ANK1: variants seen among roughly 807,000 people sequenced by gnomAD.
ANK1 encodes ankyrin 1.
ANK1 carries 51 observed loss-of-function variants against 210.4 expected under a neutral mutation model. The ratio of observed to expected loss-of-function variants is 0.24; its 90% CI spans 0.19 to 0.31. The LOEUF is 0.31. Ranked by LOEUF, ANK1 falls within the 10% of genes least tolerant of loss-of-function variation. The probability of loss-of-function intolerance (pLI) is 1.00; values close to 1 mark genes in which losing one functional copy is unlikely to be tolerated. For synonymous variants in ANK1, 967 were observed against 1,025.9 expected (o/e 0.94, Z 1.10); for missense variants, 2,051 against 2,504.4 (o/e 0.82, Z 3.86).
chr8:41,761,760 C>T (rs1042447333), intron 1 of ANK1, among the ~76,000 whole-genome samples: 1 of 152,144 alleles, frequency 6.6e-6, no homozygotes, highest in Non-Finnish European at 1.5e-5. Context: ...CACAAAGCAG[C>T]GCTTCACGTC....
Position 41,724,440 on chromosome 8 carries a change from C to T in ANK1, c.711+16G>A, listed in dbSNP as rs752573218. ...CAAGCCCCCGGACAGTGAGGGCGCA[C>T]GTGCCCCAGGGTTACCTGTGGTGTG... On this transcript the variant is annotated intron_variant, in intron 7 of 42. Transcript: ENST00000289734. 8.4e-6 allele frequency: 13 copies of T among 1,554,264 alleles called. No individual in the cohort carries two copies. The highest frequency in any genetic ancestry group is 8.2e-5 in the African/African-American group (6 of 73,364).
At chr8:41,761,670 G>A (rs1256113258) in intron 1 of ANK1, among the ~76,000 whole-genome samples, 2 of 152,206 alleles carry the variant, frequency 1.3e-5, no homozygotes, top group Non-Finnish European at 2.9e-5. Context: ...ACACACTAGT[G>A]ATGACCACCC....
chr8:41,801,843 G>C (rs544514707), upstream of ANK1, among the ~76,000 whole-genome samples: 1 of 152,070 alleles, frequency 6.6e-6, no homozygotes, highest in Admixed American at 6.5e-5. Flanking sequence ...ATCTTTTAAC[G>C]AACTAATATG....
intron 1 of ANK1, among the ~76,000 whole-genome samples, chr8:41,758,483 C>G (rs996404924): frequency 2.6e-5 from 4 of 152,104 alleles, no homozygotes; most frequent in African/African-American, 4.8e-5. Context: ...CAGGTGTGTA[C>G]CACCAAGCCC....
At chr8:41,700,589 C>G (rs1045715925) in intron 22 of ANK1, 1 of 929,514 alleles carries the variant, frequency 1.1e-6, no homozygotes, top group Non-Finnish European at 1.7e-6. Flanking sequence ...ATGAAATTAT[C>G]CAGATGGAAG....
At position 41,694,353 on chromosome 8, in the gene ANK1, A is replaced by G. The variant is rs1180713057; in HGVS notation, c.3327+239T>C. Among the ~76,000 whole-genome samples the G allele has an allele frequency of 2.0e-5, 3 of 152,218 alleles. No individual in the cohort carries two copies. Among genetic ancestry groups the G allele is most frequent in the Non-Finnish European group, 2.9e-5 (2 of 68,026 alleles). On this transcript the variant is annotated intron_variant, in intron 28 of 42. Transcript: ENST00000289734. This position sits in a 1 kb window ranked among gnomAD's most constrained non-coding sequence, Gnocchi z 5.7. ...CTCCCGGAGGTCATGCGGTTCCTGCATGCTGCACAGACTGGGCCGTGCAGC... is the reference window on the plus strand; with the variant it reads ...CTCCCGGAGGTCATGCGGTTCCTGCGTGCTGCACAGACTGGGCCGTGCAGC...
At chr8:41,661,826 A>G (rs752241575) in intron 41 of ANK1, 50 bp downstream of exon 41, 10 of 1,613,934 alleles carry the variant, frequency 6.2e-6, no homozygotes, top group Non-Finnish European at 8.5e-6. Context: ...AAAGTAATCA[A>G]TATCGACCTC....
chr8:41,725,820 C>A lies in ANK1; in HGVS notation c.553G>T (p.Asp185Tyr). 1.2e-6 allele frequency: 2 copies of A among 1,612,086 alleles called. No individual in the cohort carries two copies. Among genetic ancestry groups the A allele is most frequent in the South Asian group, 2.2e-5 (2 of 90,830 alleles). ...PALHIAARND[D>Y]TRTAAVLLQN... ...AGCAGCACCGCAGCCGTGCGCGTGT[C>A]GTCGTTGCGGGCCGCGATGTGCAGG... The change falls in exon 6 of 43, where the codon GAC becomes TAC. Residue 185 changes from aspartate (D) to tyrosine (Y), a missense_variant. Transcript: ENST00000289734.
intron 1 of ANK1, among the ~76,000 whole-genome samples, chr8:41,855,509 G>T (rs564380559): frequency 6.6e-6 from 1 of 152,214 alleles, no homozygotes; most frequent in African/African-American, 2.4e-5. Flanking sequence ...GTCAATCAAA[G>T]AAGCCGCTTT....
chr8:41,737,629 T>TA (rs1424050512), intron 2 of ANK1, among the ~76,000 whole-genome samples: 1 of 152,230 alleles, frequency 6.6e-6, no homozygotes, highest in African/African-American at 2.4e-5. Flanking sequence ...TTATGATTTT[T>TA]AAAAAATGTT....
At chr8:41,731,806 G>A (rs1001666669) in intron 3 of ANK1, among the ~76,000 whole-genome samples, 11 of 152,352 alleles carry the variant, frequency 7.2e-5, no homozygotes, top group East Asian at 3.9e-4. Flanking sequence ...CAGTCGAAGC[G>A]CTGAAGCCTC....
chr8:41,796,958 T>C lies in ANK1; in HGVS notation c.27+554A>G, dbSNP rs1848854957. Among the ~76,000 whole-genome samples the C allele has an allele frequency of 2.0e-5, 3 of 152,148 alleles. No individual in the cohort carries two copies. In the South Asian group the frequency reaches 6.2e-4, roughly 32 times the overall value. On this transcript the variant is annotated intron_variant, in intron 1 of 42. Coordinates refer to ENST00000289734, the MANE Select transcript of ANK1 (RefSeq NM_000037.4). ...GCCACGCCGCCGCTCTTTCCCTTCC[T>C]TCGTAGACATATTTCTCTCCATGAA...
intron 1 of ANK1, among the ~76,000 whole-genome samples, chr8:41,874,710 T>C (rs1397712636): frequency 2.0e-5 from 3 of 152,224 alleles, no homozygotes. Context: ...AGCCCAGCTC[T>C]TCAGCACTGG....
chr8:41,672,617 C>G lies in ANK1; in HGVS notation c.4833G>C (p.Arg1611=). 2 of 1,614,224 alleles carry G rather than the reference C, an allele frequency of 1.2e-6. No homozygotes were observed. The highest frequency in any genetic ancestry group is 1.7e-6 in the Non-Finnish European group (2 of 1,180,048). ...GTTCCAGAGAGCCCAACTCGGGGCC[C>G]CGCGGTTCCTCTGAGAGTGCCCCCT... ...KLEGALSEEP[R]GPELGSLELV... Residue 1611 remains arginine (R), a synonymous_variant, in exon 38 of 43, where the codon CGG becomes CGC. Coordinates refer to ENST00000289734, the MANE Select transcript of ANK1 (RefSeq NM_000037.4).
intron 1 of ANK1, among the ~76,000 whole-genome samples, chr8:41,871,111 G>A (rs533818963): frequency 1.2e-4 from 19 of 152,270 alleles, no homozygotes; most frequent in Non-Finnish European, 4.4e-5. Flanking sequence ...CTGCTACTAT[G>A]ACCCACACCC....
chr8:41,760,264 T>C (rs1238709917), intron 1 of ANK1, among the ~76,000 whole-genome samples: 1 of 152,204 alleles, frequency 6.6e-6, no homozygotes, highest in Admixed American at 6.5e-5. Context: ...AGGGATCTGG[T>C]GGGAGGTACT....
intron 1 of ANK1, among the ~76,000 whole-genome samples, chr8:41,845,947 C>T (rs1042753646): frequency 6.6e-6 from 1 of 152,160 alleles, no homozygotes; most frequent in East Asian, 1.9e-4. Flanking sequence ...TTCCCCCTAC[C>T]TTCTCTCCAT....
chr8:41,879,100 T>C (rs868619681), intron 1 of ANK1, among the ~76,000 whole-genome samples: 4 of 151,868 alleles, frequency 2.6e-5, no homozygotes, highest in Admixed American at 6.6e-5. Flanking sequence ...TTAAAAAAAA[T>C]GCAGGACAAT....
At chr8:41,852,673 C>G (rs1343056592) in intron 1 of ANK1, among the ~76,000 whole-genome samples, 1 of 152,246 alleles carries the variant, frequency 6.6e-6, no homozygotes, top group African/African-American at 2.4e-5. Context: ...CATCCTTTGC[C>G]TGGTCACAGA....
Sources: gnomAD v4.1 joint callset for allele counts (sites outside exome capture counted in the v4.1 genomes callset) on GRCh38, gnomAD v4.1.1 for gene constraint, Gnocchi (gnomAD v3.1) non-coding constraint, MANE v1.5 for transcripts, NCBI Gene and HGNC (gene_info 2026-07-23, HGNC 2026-07-21) for gene names.